TESK2: variants seen among roughly 807,000 people sequenced by gnomAD.
TESK2 encodes the protein dual specificity testis-specific protein kinase 2.
In TESK2, 39 loss-of-function variants were observed where a neutral mutation model predicts 57.1. The observed-to-expected ratio is 0.68, with a 90% CI of 0.53 to 0.89. TESK2 has a LOEUF of 0.89. Ranked by LOEUF, TESK2 falls within the 40% of genes least tolerant of loss-of-function variation. The pLI is 0.00. For synonymous variants in TESK2, 249 were observed against 267.9 expected, an observed-to-expected ratio of 0.93 and a Z score of 0.69; for missense variants, 646 against 732.1, an observed-to-expected ratio of 0.88 and a Z score of 1.36.
intron 9 of TESK2, 73 bp from the exon 10 acceptor site, chr1:45,346,067 C>T: frequency 1.7e-6 from 2 of 1,186,134 alleles, no homozygotes; most frequent in Non-Finnish European, 2.5e-6. Flanking sequence ...GAGTCTATTT[C>T]TGGCATCTTT....
chr1:45,443,984 C>T (rs138631888), intron 2 of TESK2, among the ~76,000 whole-genome samples: 71 of 152,136 alleles, frequency 4.7e-4, no homozygotes, highest in Middle Eastern at 3.4e-3. Flanking sequence ...TTGACACCAG[C>T]CTAGGCAACA....
At chr1:45,355,219 T>C (rs1647368310) in intron 5 of TESK2, 84 bp downstream of exon 5, 3 of 1,458,864 alleles carry the variant, frequency 2.1e-6, no homozygotes. Flanking sequence ...TCCTCTGTGA[T>C]TAAATGTTAA....
intron 2 of TESK2, among the ~76,000 whole-genome samples, chr1:45,440,311 C>T (rs940458658): frequency 5.9e-5 from 9 of 151,906 alleles, no homozygotes; most frequent in Admixed American, 1.3e-4. Flanking sequence ...ACATACAGAA[C>T]GGACAAAGGA....
chr1:45,376,548 C>G (rs558623718), intron 4 of TESK2, among the ~76,000 whole-genome samples: 32 of 152,092 alleles, frequency 2.1e-4, no homozygotes, highest in South Asian at 6.2e-4. Flanking sequence ...CTGGCTCTTT[C>G]CGCTAGGGCT....
chr1:45,350,661 G>C (rs1647218029), intron 5 of TESK2, among the ~76,000 whole-genome samples: 1 of 152,162 alleles, frequency 6.6e-6, no homozygotes, highest in Admixed American at 6.5e-5. Context: ...TTGGTGTGAT[G>C]TGTCCCATCC....
At chr1:45,485,924 G>T (rs1190975729) in intron 1 of TESK2, among the ~76,000 whole-genome samples, 1 of 151,028 alleles carries the variant, frequency 6.6e-6, no homozygotes, top group Non-Finnish European at 1.5e-5. Context: ...GCTCACAAAA[G>T]ATAAGTAATT....
chr1:45,458,893 C>T (rs1652223457), intron 1 of TESK2, among the ~76,000 whole-genome samples: 1 of 152,194 alleles, frequency 6.6e-6, no homozygotes, highest in African/African-American at 2.4e-5. Context: ...GTCTCTCCCT[C>T]TTTCTACTTT....
At chr1:45,479,756 T>C (rs1653136348) in intron 1 of TESK2, among the ~76,000 whole-genome samples, 1 of 151,994 alleles carries the variant, frequency 6.6e-6, no homozygotes, top group Non-Finnish European at 1.5e-5. Flanking sequence ...AATAATTGTT[T>C]TCTTGTTCCC....
intron 5 of TESK2, among the ~76,000 whole-genome samples, chr1:45,354,585 C>A (rs921953851): frequency 2.0e-5 from 3 of 151,372 alleles, no homozygotes; most frequent in African/African-American, 4.9e-5. Flanking sequence ...AAGATCACTC[C>A]ATTGAACTCC....
intron 2 of TESK2, among the ~76,000 whole-genome samples, chr1:45,438,134 CAA>C (rs773097033): frequency 1.3e-5 from 2 of 152,184 alleles, no homozygotes; most frequent in African/African-American, 4.8e-5. Context: ...GCCATCTTAA[CAA>C]AAGTTACTTC....
chr1:45,396,812 T>G (rs368493755), intron 3 of TESK2, among the ~76,000 whole-genome samples: 41 of 129,228 alleles, frequency 3.2e-4, no homozygotes, highest in Non-Finnish European at 3.9e-4. Flanking sequence ...GTTGTTTTTT[T>G]TTTTTTTTTT....
rs34109075 is a variant in TESK2, at chr1:45,388,717, C to CTTTTTTT, written c.345-2764_345-2758dup. On this transcript the variant is annotated intron_variant, in intron 3 of 10. Coordinates refer to ENST00000372086, the MANE Select transcript of TESK2 (RefSeq NM_007170.3). The stretch of plus-strand genomic sequence containing the variant: ...AACGTGGCAGTATTGAGAGGTACGG[C>CTTTTTTT]TTTTTTTTTTTTTTTTTTTTTGAGA... 9.7e-5 allele frequency among the ~76,000 whole-genome samples: 10 copies of CTTTTTTT among 102,746 alleles called. 2 individuals carry two copies. The highest frequency in any genetic ancestry group is 3.5e-4 in the South Asian group (1 of 2,890). 67.4% of individuals were successfully genotyped at this position (102,746 alleles called of 152,430 possible). A position where few individuals can be genotyped will look rare whatever the true frequency, so the allele number is the denominator to read the frequency against.
intron 1 of TESK2, among the ~76,000 whole-genome samples, chr1:45,473,845 G>A (rs141053773): frequency 6.7e-4 from 100 of 149,896 alleles, no homozygotes; most frequent in African/African-American, 2.3e-3. Flanking sequence ...CACCCAGGGT[G>A]TAGTGCAGTG....
intron 4 of TESK2, 60 bp downstream of exon 4, chr1:45,385,852 G>T: frequency 7.9e-7 from 1 of 1,270,536 alleles, no homozygotes; most frequent in South Asian, 1.3e-5. Context: ...CACTTACTAT[G>T]GAACTATAAA....
chr1:45,452,505 ACAAT>A (rs1168834781), intron 2 of TESK2, among the ~76,000 whole-genome samples: 7 of 152,222 alleles, frequency 4.6e-5, no homozygotes, highest in African/African-American at 1.7e-4. Context: ...GACTTCACTA[ACAAT>A]CAGAGTACAA....
chr1:45,423,412 C>A (rs533623094), intron 2 of TESK2, among the ~76,000 whole-genome samples: 4 of 152,004 alleles, frequency 2.6e-5, no homozygotes, highest in Non-Finnish European at 5.9e-5. Flanking sequence ...AAAAAATTAG[C>A]TGGGCGTGGT....
intron 3 of TESK2, among the ~76,000 whole-genome samples, chr1:45,390,470 A>G (rs1322401544): frequency 1.3e-5 from 2 of 151,830 alleles, no homozygotes; most frequent in Admixed American, 1.3e-4. Flanking sequence ...TCTAAAAAAT[A>G]AAAATAGAAA....
chr1:45,472,542 G>C (rs1233469786), intron 1 of TESK2, among the ~76,000 whole-genome samples: 1 of 126,342 alleles, frequency 7.9e-6, no homozygotes, highest in Non-Finnish European at 1.6e-5. Context: ...TGGGGGACAA[G>C]AGCAAAACTC....
intron 7 of TESK2, among the ~76,000 whole-genome samples, 182 bp downstream of exon 7, chr1:45,347,427 G>A (rs772389711): frequency 3.9e-5 from 6 of 152,132 alleles, no homozygotes; most frequent in African/African-American, 1.2e-4. Flanking sequence ...TTAGCTGGGC[G>A]TGGTGGTGCA....
Sources: allele counts gnomAD v4.1 joint callset (sites outside exome capture counted in the v4.1 genomes callset), GRCh38; gene constraint gnomAD v4.1.1; transcripts MANE v1.5; gene names NCBI Gene and HGNC (gene_info 2026-07-23, HGNC 2026-07-21).